The following OTUD5 variants were observed in gnomAD, a reference collection of about 807,000 sequenced individuals.
OTUD5 encodes OTU domain-containing protein 5.
OTUD5 carries 2 observed loss-of-function variants against 36.3 expected under a neutral mutation model. That is an observed-to-expected ratio of 0.06 (90% CI 0.02 to 0.17). OTUD5 has a LOEUF of 0.17. OTUD5 is among the 10% of genes least tolerant of loss of function. The pLI, the probability that OTUD5 is intolerant of heterozygous loss-of-function variation, is 1.00. For synonymous variants in OTUD5, 234 were observed against 214.9 expected (o/e 1.09, Z -0.78); for missense variants, 233 against 512.3 (o/e 0.45, Z 5.26).
At chrX:48,954,694 G>A (rs2064205867) in intron 1 of OTUD5, among the ~76,000 whole-genome samples, 2 of 111,690 alleles carry the variant, frequency 1.8e-5, no homozygotes, top group Non-Finnish European at 1.9e-5. Context: ...TCCCCAGAGT[G>A]GCGATGTCCC....
chrX:48,944,148 A>G (rs782631321), intron 2 of OTUD5, 42 bp downstream of exon 2: 1 of 964,879 alleles, frequency 1.0e-6, no homozygotes, highest in African/African-American at 1.9e-5. Flanking sequence ...GACACAGCTT[A>G]GGGGCAGCCC....
intron 8 of OTUD5, 32 bp from the exon 9 acceptor site, chrX:48,923,327 T>C: frequency 8.9e-7 from 1 of 1,118,167 alleles, no homozygotes; most frequent in Non-Finnish European, 1.2e-6. Flanking sequence ...AAAAGGATGA[T>C]GGAGCGCTCT....
intron 1 of OTUD5, among the ~76,000 whole-genome samples, chrX:48,953,239 C>A (rs1233735850): frequency 9.0e-6 from 1 of 111,563 alleles, no homozygotes; most frequent in Non-Finnish European, 1.9e-5. Flanking sequence ...TCCCATCGAG[C>A]TTGTTCATTA....
intron 5 of OTUD5, 22 bp from the exon 6 acceptor site, chrX:48,926,072 G>C: frequency 8.6e-7 from 1 of 1,158,403 alleles, no homozygotes; most frequent in East Asian, 3.0e-5. Flanking sequence ...GAGAGGAACA[G>C]GGATGTGCAA....
intron 1 of OTUD5, among the ~76,000 whole-genome samples, chrX:48,948,534 A>C (rs2064073405): frequency 9.0e-6 from 1 of 111,557 alleles, no homozygotes; most frequent in Non-Finnish European, 1.9e-5. Flanking sequence ...TCTAAACATG[A>C]AAGAGACCTG....
At chrX:48,941,595 T>C (rs1339769833) in intron 2 of OTUD5, among the ~76,000 whole-genome samples, 1 of 111,164 alleles carries the variant, frequency 9.0e-6, no homozygotes, top group Non-Finnish European at 1.9e-5. Flanking sequence ...ATCCAAGTTT[T>C]GCAGTGAGCC....
intron 1 of OTUD5, among the ~76,000 whole-genome samples, chrX:48,951,619 A>G (rs1467354378): frequency 1.8e-5 from 2 of 110,312 alleles, no homozygotes; most frequent in African/African-American, 6.6e-5. Flanking sequence ...CATCTCAAAA[A>G]AAAACACACA....
intron 1 of OTUD5, among the ~76,000 whole-genome samples, chrX:48,956,613 T>C (rs782634192): frequency 5.0e-4 from 56 of 111,076 alleles, no homozygotes; most frequent in Non-Finnish European, 8.9e-4. Context: ...ACTGAACACA[T>C]ACCTAAGTCT....
At chrX:48,950,031 C>T (rs1557053395) in intron 1 of OTUD5, among the ~76,000 whole-genome samples, 1 of 108,101 alleles carries the variant, frequency 9.3e-6, no homozygotes, top group Non-Finnish European at 1.9e-5. Context: ...CGCCTGCAAT[C>T]CCAGCTACTC....
At chrX:48,931,779 A>T (rs1783404103) in intron 5 of OTUD5, among the ~76,000 whole-genome samples, 2 of 87,243 alleles carry the variant, frequency 2.3e-5, no homozygotes, top group South Asian at 1.0e-3. Context: ...ACTCTGCCTT[A>T]AAAAAAAAAA....
At chrX:48,942,876 T>C (rs1453505545) in intron 2 of OTUD5, among the ~76,000 whole-genome samples, 5 of 110,659 alleles carry the variant, frequency 4.5e-5, no homozygotes, top group Non-Finnish European at 1.9e-5. Context: ...AGCCCCATTT[T>C]ACAGATGAGG....
Position 48,957,090 on chromosome X carries a change from C to G in OTUD5, c.481G>C (p.Val161Leu). The G allele has an allele frequency of 8.5e-7, 1 of 1,180,234 alleles. No homozygotes were observed. The highest frequency in any genetic ancestry group is 1.1e-6 in the Non-Finnish European group (1 of 882,182). ...RRRQAPGVGA[V>L]GGGSPEREEV... ...TCACGCTCGGGACTGCCCCCGCCAA[C>G]CGCGCCAACCCCGGGAGCTTGACGT... The change falls in exon 1 of 9, where the codon GTT becomes CTT. Residue 161 changes from valine to leucine, a missense_variant. By Grantham distance (32) the Val-to-Leu change is conservative. This residue lies in a region of OTUD5 where 155 missense variants were observed against 217.2 expected (regional missense o/e 0.71). Coordinates refer to ENST00000376488, the MANE Select transcript of OTUD5 (RefSeq NM_001136157.2).
chrX:48,928,670 A>C (rs1358293165), intron 5 of OTUD5, among the ~76,000 whole-genome samples: 1 of 110,043 alleles, frequency 9.1e-6, no homozygotes, highest in Admixed American at 9.8e-5. Flanking sequence ...CTACAAAATA[A>C]AAATATTTTT....
intron 1 of OTUD5, among the ~76,000 whole-genome samples, chrX:48,954,774 G>A (rs2064207131): frequency 8.9e-6 from 1 of 112,208 alleles, no homozygotes; most frequent in African/African-American, 3.2e-5. Flanking sequence ...ATATGACCTA[G>A]AGGTGAGAAG....
chrX:48,951,410 C>G (rs1234330702), intron 1 of OTUD5, among the ~76,000 whole-genome samples: 1 of 110,976 alleles, frequency 9.0e-6, no homozygotes, highest in African/African-American at 3.3e-5. Flanking sequence ...GTCAGGAGAT[C>G]GAGATCATCC....
intron 1 of OTUD5, among the ~76,000 whole-genome samples, chrX:48,945,881 A>C (rs2064019556): frequency 9.0e-6 from 1 of 111,023 alleles, no homozygotes; most frequent in Non-Finnish European, 1.9e-5. Context: ...CTCTTAAAAC[A>C]TAATTTTCAT....
rs781966216 is a variant in OTUD5, at chrX:48,957,160, T to G, written c.411A>C (p.Val137=). 64 of 1,151,800 alleles carry G rather than the reference T, an allele frequency of 5.6e-5. 1 individual carries two copies. The South Asian group carries it at 1.2e-3, about 21-fold the overall frequency. The allele number at this position is 1,151,800 out of a possible 1,213,427, so 94.9% of individuals were successfully genotyped here. Residue 137 remains valine, a synonymous_variant, in exon 1 of 9, where the codon GTA becomes GTC. Coordinates refer to ENST00000376488, the MANE Select transcript of OTUD5 (RefSeq NM_001136157.2). ...GCCCGGAGCAGCAGCCGCCCACGCC[T>G]ACGGCACCACCCACACCCACCACCA... ...AGVVVGVGGA[V]GVGGCCSGPG... is the part of the protein sequence containing the mutation.
rs375709950 is a variant in OTUD5, at chrX:48,956,995, G to A, written c.576C>T (p.Asp192=). Residue 192 remains aspartate, a synonymous_variant, in exon 1 of 9, where the codon GAC becomes GAT. Transcript: ENST00000376488. ...CTCTTACCTGCTCGACAGTGGCAGG[G>A]TCCATAGCCTCGATGCGTGCTGCAG... ...EAAAARIEAM[D]PATVEQQEHW... 1.4e-5 allele frequency: 17 copies of A among 1,190,044 alleles called. No homozygotes were observed. In the African/African-American group the frequency reaches 1.6e-4, roughly 11 times the overall value.
chrX:48,923,727 C>G lies in OTUD5; in HGVS notation c.1485G>C (p.Ser495=). The change falls in exon 8 of 9, where the codon TCG becomes TCC. Residue 495 remains serine, a synonymous_variant. Coordinates refer to ENST00000376488, the MANE Select transcript of OTUD5 (RefSeq NM_001136157.2). The part of the protein sequence containing the change: ...PCAPGTSSQF[S]AGADRATSPL... ...GGGAAGTTGCCCGGTCGGCCCCTGC[C>G]GAGAACTGACTGCTTGTACCTGAAG... is the stretch of plus-strand genomic sequence containing the variant. 8.3e-7 allele frequency: 1 copy of G among 1,205,396 alleles called. No homozygotes were observed. The highest frequency in any genetic ancestry group is 1.1e-6 in the Non-Finnish European group (1 of 890,907).
Sources: allele counts gnomAD v4.1 joint callset (sites outside exome capture counted in the v4.1 genomes callset), GRCh38; gene constraint gnomAD v4.1.1; regional missense constraint gnomAD v4.1.1; transcripts MANE v1.5; gene names NCBI Gene and HGNC (gene_info 2026-07-23, HGNC 2026-07-21).